The following PCDH15 variants were observed in gnomAD, a reference collection of about 807,000 sequenced individuals.
The protein encoded by PCDH15 is protocadherin related 15, also known as protocadherin-15.
Under a neutral mutation model 178.5 loss-of-function variants are expected in PCDH15, and 129 were observed. The observed-to-expected ratio is 0.72, with a 90% CI of 0.63 to 0.84. The LOEUF is 0.84. PCDH15 is among the 40% of genes least tolerant of loss of function. The probability of loss-of-function intolerance (pLI) is 0.00; values close to 1 mark genes in which losing one functional copy is unlikely to be tolerated. For missense variants in PCDH15, 2,230 were observed against 2,099.9 expected, an observed-to-expected ratio of 1.06 and a Z score of -1.21; for synonymous variants, 800 against 732.0, an observed-to-expected ratio of 1.09 and a Z score of -1.50.
intron 3 of PCDH15, among the ~76,000 whole-genome samples, chr10:54,512,359 TTG>T (rs200575121): frequency 0.016 from 2,118 of 134,108 alleles, 28 homozygotes; most frequent in Middle Eastern, 0.037. Context: ...ATTTCTGGCA[TTG>T]TGTGTGTGTG....
intron 2 of PCDH15, among the ~76,000 whole-genome samples, chr10:54,969,515 T>A (rs1401443212): frequency 6.6e-6 from 1 of 152,204 alleles, no homozygotes; most frequent in Non-Finnish European, 1.5e-5. Context: ...TTTCCTTAGA[T>A]GTCTGTGCCA....
At position 55,570,286 on chromosome 10, in the gene PCDH15, T is replaced by C. The variant is rs376410316; in HGVS notation, c.-156+57339A>G. On this transcript the variant is annotated intron_variant, in intron 2 of 5. Coordinates refer to the PCDH15 transcript ENST00000613346. ...AAAGACAAACATTATTAAGAGGTTT[T>C]TGACAATTTTTACAGAGAAAAATAT... 1.1e-4 allele frequency among the ~76,000 whole-genome samples: 16 copies of C among 152,158 alleles called. No individual in the cohort carries two copies. In the East Asian group the frequency reaches 2.3e-3, roughly 22 times the overall value.
At chr10:54,708,270 T>G (rs900084205) in intron 1 of PCDH15, among the ~76,000 whole-genome samples, 77 of 152,262 alleles carry the variant, frequency 5.1e-4, no homozygotes, top group African/African-American at 1.9e-3. Flanking sequence ...TAAATCACTA[T>G]GGCAACATTG....
intron 26 of PCDH15, among the ~76,000 whole-genome samples, chr10:53,885,722 A>G (rs2081047445): frequency 6.6e-6 from 1 of 152,160 alleles, no homozygotes; most frequent in Admixed American, 6.5e-5. Flanking sequence ...CATATAAGAG[A>G]ACCAACTATC....
intron 2 of PCDH15, among the ~76,000 whole-genome samples, chr10:55,537,381 T>C (rs1841602354): frequency 6.6e-6 from 1 of 151,788 alleles, no homozygotes; most frequent in Non-Finnish European, 1.5e-5. Flanking sequence ...ACCTGCTATT[T>C]ACTTTATTTA....
At chr10:54,878,075 T>G (rs7078862) in intron 3 of PCDH15, among the ~76,000 whole-genome samples, 112,839 of 151,048 alleles carry the variant, frequency 0.75, 42,484 homozygotes, top group East Asian at 0.89. Context: ...CCATCCTCCT[T>G]CCTCAGTCCC....
intron 28 of PCDH15, among the ~76,000 whole-genome samples, chr10:53,841,283 T>C (rs536061045): frequency 1.3e-5 from 2 of 152,234 alleles, no homozygotes; most frequent in South Asian, 4.1e-4. Context: ...ATTCAGTATT[T>C]ACAGATGTTT....
At chr10:55,075,737 T>G (rs2132019169) in intron 2 of PCDH15, among the ~76,000 whole-genome samples, 1 of 152,210 alleles carries the variant, frequency 6.6e-6, no homozygotes, top group East Asian at 1.9e-4. Context: ...TTATTTCATT[T>G]ACTTCTGCTC....
At chr10:54,329,739 T>G (rs1425585333) in intron 6 of PCDH15, 33 bp from the exon 7 acceptor site, 2 of 1,334,336 alleles carry the variant, frequency 1.5e-6, no homozygotes, top group Non-Finnish European at 2.2e-6. Flanking sequence ...CTTCAGATTA[T>G]TTGAATGTAA....
chr10:54,022,096 A>G (rs2092939338), intron 19 of PCDH15, among the ~76,000 whole-genome samples: 3 of 151,102 alleles, frequency 2.0e-5, no homozygotes, highest in Admixed American at 1.3e-4. Context: ...CAAGTTGTGG[A>G]CTGCAGGTGG....
chr10:54,818,067 A>G (rs1952976781), intron 3 of PCDH15, among the ~76,000 whole-genome samples: 1 of 152,038 alleles, frequency 6.6e-6, no homozygotes. Flanking sequence ...ATTAAAATCC[A>G]TAATTCACAT....
intron 8 of PCDH15, among the ~76,000 whole-genome samples, chr10:54,274,181 A>G (rs530339696): frequency 2.4e-4 from 36 of 152,070 alleles, no homozygotes; most frequent in Admixed American, 1.2e-3. Context: ...AAAATAACTA[A>G]TGGTTACTAG....
At chr10:55,341,723 C>T (rs1310638668) in intron 2 of PCDH15, among the ~76,000 whole-genome samples, 6 of 139,788 alleles carry the variant, frequency 4.3e-5, no homozygotes, top group Non-Finnish European at 9.1e-5. Context: ...GCATGCGCCA[C>T]CACGCCCAGC....
chr10:54,854,110 G>A (rs1157739311), intron 3 of PCDH15, among the ~76,000 whole-genome samples: 4 of 152,156 alleles, frequency 2.6e-5, no homozygotes, highest in African/African-American at 4.8e-5. Flanking sequence ...CTGCTGCAGC[G>A]GGACGGGCAG....
intron 2 of PCDH15, among the ~76,000 whole-genome samples, chr10:55,476,360 G>A (rs1051257033): frequency 6.6e-6 from 1 of 151,950 alleles, no homozygotes; most frequent in African/African-American, 2.4e-5. Context: ...AGTCAAATGA[G>A]TCATTTCTAG....
intron 2 of PCDH15, among the ~76,000 whole-genome samples, chr10:55,370,193 A>G (rs906005184): frequency 2.0e-5 from 3 of 152,102 alleles, no homozygotes; most frequent in Non-Finnish European, 2.9e-5. Flanking sequence ...AGAGGCCTTC[A>G]CATAATCACT....
intron 2 of PCDH15, among the ~76,000 whole-genome samples, chr10:55,380,742 C>T (rs1374335265): frequency 6.6e-6 from 1 of 152,156 alleles, no homozygotes; most frequent in Non-Finnish European, 1.5e-5. Context: ...TTGCCCACTA[C>T]ACCATAAATA....
intron 2 of PCDH15, among the ~76,000 whole-genome samples, chr10:55,464,242 C>A (rs1839780284): frequency 6.6e-6 from 1 of 152,034 alleles, no homozygotes; most frequent in South Asian, 2.1e-4. Context: ...ATGATCAGAA[C>A]ATCAGAACAA....
At chr10:54,775,204 G>A (rs1022250551) in intron 1 of PCDH15, among the ~76,000 whole-genome samples, 1 of 152,100 alleles carries the variant, frequency 6.6e-6, no homozygotes, top group Non-Finnish European at 1.5e-5. Flanking sequence ...TTAAGTTGAA[G>A]AATAATCCTG....
Sources: gnomAD v4.1 joint callset for allele counts (sites outside exome capture counted in the v4.1 genomes callset) on GRCh38, gnomAD v4.1.1 for gene constraint, MANE v1.5 for transcripts, NCBI Gene and HGNC (gene_info 2026-07-23, HGNC 2026-07-21) for gene names.